Variants in LATS2 observed in about 807,000 individuals in gnomAD.
LATS2 encodes serine/threonine-protein kinase LATS2.
LATS2 carries 24 observed loss-of-function variants against 76.0 expected under a neutral mutation model. That is an observed-to-expected ratio of 0.32 (90% CI 0.23 to 0.44). LATS2 has a LOEUF of 0.44. Among genes scored for constraint, LATS2 ranks in the 20% least tolerant of loss-of-function variants. LATS2 has a pLI of 1.00. For synonymous variants in LATS2, 692 were observed against 635.4 expected, an observed-to-expected ratio of 1.09 and a Z score of -1.34; for missense variants, 1,286 against 1,481.2, an observed-to-expected ratio of 0.87 and a Z score of 2.16.
At chr13:21,012,745 G>A (rs924525737) in intron 2 of LATS2, among the ~76,000 whole-genome samples, 1 of 151,954 alleles carries the variant, frequency 6.6e-6, no homozygotes, top group Admixed American at 6.6e-5. Flanking sequence ...AGCACAGGGC[G>A]GGAGCTGTGC....
rs139641767 is a variant in LATS2, at chr13:20,988,223, C to T, written c.1557G>A (p.Pro519=). Residue 519 remains proline, a synonymous_variant, in exon 4 of 8, where the codon CCG becomes CCA. Coordinates refer to ENST00000382592, the MANE Select transcript of LATS2 (RefSeq NM_014572.3). ...PDRRCPPPPY[P]KHLLLRSKSE... ...ACTTGCTGCGCAGCAGCAGGTGCTT[C>T]GGGTAGGGCGGAGGCGGGCACCTCC... 775 of 1,608,160 alleles carry T rather than the reference C, an allele frequency of 4.8e-4. 2 individuals carry two copies. In the African/African-American group the frequency reaches 7.6e-3, roughly 16 times the overall value.
chr13:21,037,949 T>A (rs1167584202), intron 2 of LATS2, among the ~76,000 whole-genome samples: 1 of 152,100 alleles, frequency 6.6e-6, no homozygotes, highest in Non-Finnish European at 1.5e-5. Flanking sequence ...AATGACAGAA[T>A]CTTCCCTTTT....
chr13:21,013,717 G>A (rs1473492628), intron 2 of LATS2, among the ~76,000 whole-genome samples: 1 of 152,172 alleles, frequency 6.6e-6, no homozygotes, highest in East Asian at 1.9e-4. Flanking sequence ...TGCAATCCCA[G>A]CACTTAAGGA....
rs1415623526 is a variant in LATS2 at position 20,989,007 on chromosome 13, A to T, written c.773T>A (p.Leu258Gln). 3 of 1,549,384 alleles carry T rather than the reference A, an allele frequency of 1.9e-6. No homozygotes were observed. In the East Asian group the frequency reaches 7.2e-5, roughly 37 times the overall value. Residue 258 changes from leucine (L) to glutamine (Q), a missense_variant, in exon 4 of 8, where the codon CTG becomes CAG. This residue lies in a region of LATS2 where 710 missense variants were observed against 660.9 expected (regional missense o/e 1.07). Coordinates refer to ENST00000382592, the MANE Select transcript of LATS2 (RefSeq NM_014572.3). ...GCCCAGGGGTTCCCCAGGCACCAGC[A>T]GGTGCGGCCGCCCGTAGTGCGCGCC... ...LQGAHYGRPH[L>Q]LVPGEPLGYG... is the part of the protein sequence containing the mutation.
At chr13:21,057,306 C>T (rs1873478785) in intron 1 of LATS2, among the ~76,000 whole-genome samples, 1 of 152,136 alleles carries the variant, frequency 6.6e-6, no homozygotes, top group South Asian at 2.1e-4. Context: ...CCATGTATGT[C>T]AAATATTGTC....
intron 2 of LATS2, among the ~76,000 whole-genome samples, chr13:21,023,832 G>A (rs572879469): frequency 4.6e-5 from 7 of 151,916 alleles, no homozygotes; most frequent in Admixed American, 4.6e-4. Context: ...AATTAGCTGG[G>A]CATGGTGGCG....
chr13:20,977,172 G>A (rs553993614), intron 7 of LATS2, among the ~76,000 whole-genome samples: 2 of 152,204 alleles, frequency 1.3e-5, no homozygotes, highest in South Asian at 2.1e-4. Flanking sequence ...GAGGTGGGTG[G>A]ATAACTTGAG....
chr13:21,019,911 T>C (rs899287557), intron 2 of LATS2, among the ~76,000 whole-genome samples: 1 of 150,484 alleles, frequency 6.6e-6, no homozygotes, highest in Non-Finnish European at 1.5e-5. Context: ...GAGGTGGAGT[T>C]CGCAGTGAGC....
chr13:21,015,168 T>G (rs903972213), intron 2 of LATS2, among the ~76,000 whole-genome samples: 11 of 152,256 alleles, frequency 7.2e-5, no homozygotes, highest in African/African-American at 2.2e-4. Context: ...TAGATTCCTA[T>G]TGAAATGAGC....
chr13:20,988,293 C>T lies in LATS2; in HGVS notation c.1487G>A (p.Gly496Asp), dbSNP rs1335400222. ...CACGTCCAGCGGGAAGGCGCCTGCG[C>T]CGCCCAGCGCCAGGGCATGCTCCTC... ...AKEEHALALGGAGAFPLDVEY... is the reference protein window; with the variant it reads ...AKEEHALALGDAGAFPLDVEY... The change falls in exon 4 of 8, where the codon GGC becomes GAC. Residue 496 changes from glycine to aspartate, a missense_variant. Around this residue, in one of 5 missense-constraint regions of LATS2, gnomAD observed 710 missense variants for 660.9 expected, o/e 1.07. Transcript: ENST00000382592. 2 of 1,579,366 alleles carry T rather than the reference C, an allele frequency of 1.3e-6. No individual in the cohort carries two copies. Among genetic ancestry groups the T allele is most frequent in the African/African-American group, 1.3e-5 (1 of 74,216 alleles).
intron 1 of LATS2, among the ~76,000 whole-genome samples, chr13:21,056,137 CT>C (rs919900498): frequency 6.6e-5 from 10 of 151,160 alleles, no homozygotes; most frequent in East Asian, 5.8e-4. Context: ...AGAATTGGGT[CT>C]TTTTTTTTGG....
intron 1 of LATS2, among the ~76,000 whole-genome samples, chr13:21,051,214 G>A (rs1335149697): frequency 6.6e-6 from 1 of 152,182 alleles, no homozygotes; most frequent in East Asian, 1.9e-4. Context: ...TATATGTAGG[G>A]CCCTTGAGCA....
At chr13:21,045,205 C>T (rs1873024342) in intron 2 of LATS2, among the ~76,000 whole-genome samples, 1 of 151,948 alleles carries the variant, frequency 6.6e-6, no homozygotes, top group African/African-American at 2.4e-5. Flanking sequence ...ACAGCATATA[C>T]ACTAATTGTT....
chr13:21,007,333 CA>C (rs1871296757), intron 2 of LATS2, among the ~76,000 whole-genome samples: 1 of 150,354 alleles, frequency 6.7e-6, no homozygotes, highest in South Asian at 2.1e-4. Flanking sequence ...ATGTTTCTGA[CA>C]GTGGAATGTC....
intron 1 of LATS2, 94 bp from the exon 2 acceptor site, chr13:21,046,324 T>C (rs1595255805): frequency 3.1e-6 from 1 of 321,326 alleles, no homozygotes; most frequent in Non-Finnish European, 5.8e-6. Flanking sequence ...ATCGTGGAAA[T>C]ATACCGCTTG....
At chr13:21,043,794 T>A (rs1291073353) in intron 2 of LATS2, among the ~76,000 whole-genome samples, 1 of 152,234 alleles carries the variant, frequency 6.6e-6, no homozygotes, top group Non-Finnish European at 1.5e-5. Context: ...GTATTTGGGA[T>A]TATTTGCTTG....
Position 21,059,598 on chromosome 13 carries a change from A to AAAC in LATS2, c.-205+1745_-205+1747dup, listed in dbSNP as rs545362575. Among the ~76,000 whole-genome samples the AAAC allele has an allele frequency of 2.7e-3, 405 of 151,438 alleles. 2 individuals are homozygous for AAAC. In the Middle Eastern group the frequency reaches 0.027, roughly 10 times the overall value. On this transcript the variant is annotated intron_variant, in intron 1 of 7. Transcript: ENST00000382592. Reference sequence around the variant, plus strand: ...CGACAGAGCAAGACAACGTCTCAAAAAACAACAACAACAACAACAAAAAAC... The same window carrying AAAC: ...CGACAGAGCAAGACAACGTCTCAAAAAACAACAACAACAACAACAACAAAAAAC...
Position 20,974,897 on chromosome 13 carries a change from A to G in LATS2, c.3240T>C (p.Thr1080=). 1 of 1,613,608 alleles carries G rather than the reference A, an allele frequency of 6.2e-7. No homozygotes were observed. The highest frequency in any genetic ancestry group is 1.1e-5 in the South Asian group (1 of 91,038). The part of the protein sequence containing the change: ...DLESSDLVDQ[T]EGCQPVYV ...ACACGTACACAGGCTGGCAGCCTTCAGTCTGATCCACCAGATCAGAGCTTT... is the reference window on the plus strand; with the variant it reads ...ACACGTACACAGGCTGGCAGCCTTCGGTCTGATCCACCAGATCAGAGCTTT... Residue 1080 remains threonine, a synonymous_variant, in exon 8 of 8, where the codon ACT becomes ACC. Transcript: ENST00000382592.
intron 2 of LATS2, among the ~76,000 whole-genome samples, chr13:21,016,992 G>A (rs1871825987): frequency 6.6e-6 from 1 of 152,074 alleles, no homozygotes; most frequent in Non-Finnish European, 1.5e-5. Flanking sequence ...TCACTTATGA[G>A]AAAAAAACAT....
Sources: allele counts gnomAD v4.1 joint callset (sites outside exome capture counted in the v4.1 genomes callset), GRCh38; gene constraint gnomAD v4.1.1; regional missense constraint gnomAD v4.1.1; transcripts MANE v1.5; gene names NCBI Gene and HGNC (gene_info 2026-07-23, HGNC 2026-07-21).